ADGRL2: variants seen among roughly 807,000 people sequenced by gnomAD.
ADGRL2 encodes calcium-independent alpha-latrotoxin receptor 2.
In ADGRL2, 44 loss-of-function variants were observed where a neutral mutation model predicts 157.4. The observed-to-expected ratio is 0.28, with a 90% CI of 0.22 to 0.36. The LOEUF (loss-of-function observed/expected upper bound fraction) is 0.36. Ranked by LOEUF, ADGRL2 falls within the 10% of genes least tolerant of loss-of-function variation. ADGRL2 has a pLI of 1.00. For synonymous variants in ADGRL2, 585 were observed against 624.7 expected (o/e 0.94, Z 0.95); for missense variants, 1,510 against 1,768.9 (o/e 0.85, Z 2.63).
chr1:81,454,393 A>T (rs2077760871), intron 2 of ADGRL2, among the ~76,000 whole-genome samples: 1 of 152,160 alleles, frequency 6.6e-6, no homozygotes, highest in Admixed American at 6.6e-5. Flanking sequence ...ATGGTGATTC[A>T]TTATCTTGTG....
At chr1:81,388,153 C>G (rs1485262751) in intron 1 of ADGRL2, among the ~76,000 whole-genome samples, 1 of 152,120 alleles carries the variant, frequency 6.6e-6, no homozygotes, top group African/African-American at 2.4e-5. Flanking sequence ...TTTCAGTCCC[C>G]CTGACTGATA....
intron 3 of ADGRL2, among the ~76,000 whole-genome samples, chr1:81,679,638 C>G (rs903580699): frequency 1.3e-5 from 2 of 152,156 alleles, no homozygotes; most frequent in African/African-American, 4.8e-5. Context: ...GTGTCTCAAC[C>G]TTTGCTATAC....
chr1:81,961,854 A>G (rs1165643890), intron 11 of ADGRL2, among the ~76,000 whole-genome samples: 1 of 152,124 alleles, frequency 6.6e-6, no homozygotes, highest in African/African-American at 2.4e-5. Flanking sequence ...TTATATTTAC[A>G]TATGCTGATA....
chr1:81,711,416 C>A lies in ADGRL2; in HGVS notation c.-143+11608C>A, dbSNP rs2083924136. 3.3e-5 allele frequency among the ~76,000 whole-genome samples: 5 copies of A among 152,172 alleles called. No homozygotes were observed. The South Asian group carries it at 1.0e-3, about 32-fold the overall frequency. ...AACATTTATCTCATAAGTGCTTTTC[C>A]TCAAGACGGTCAGACTTCGGTAGTC... is the stretch of plus-strand genomic sequence containing the variant. On this transcript the variant is annotated intron_variant, in intron 1 of 20. Coordinates refer to the ADGRL2 transcript ENST00000359929.
intron 2 of ADGRL2, among the ~76,000 whole-genome samples, chr1:81,492,434 A>T (rs546022624): frequency 6.6e-6 from 1 of 152,242 alleles, no homozygotes; most frequent in East Asian, 1.9e-4. Flanking sequence ...TTAAACACAC[A>T]GAACTTTATT....
chr1:81,653,532 C>T (rs1277067334), intron 3 of ADGRL2, among the ~76,000 whole-genome samples: 5 of 152,060 alleles, frequency 3.3e-5, no homozygotes, highest in Non-Finnish European at 7.3e-5. Context: ...AGGCTGCTTC[C>T]CAACACTGGA....
chr1:81,658,312 C>G (rs1485936065), intron 3 of ADGRL2, among the ~76,000 whole-genome samples: 1 of 152,054 alleles, frequency 6.6e-6, no homozygotes, highest in Non-Finnish European at 1.5e-5. Flanking sequence ...CCAGGCTGGT[C>G]TTGAACTCCT....
intron 3 of ADGRL2, among the ~76,000 whole-genome samples, chr1:81,649,681 C>T (rs2082375041): frequency 6.6e-6 from 1 of 152,178 alleles, no homozygotes; most frequent in South Asian, 2.1e-4. Flanking sequence ...ATTATTTACT[C>T]CTTTCCCACA....
At chr1:81,567,340 C>A (rs2080585122) in intron 2 of ADGRL2, among the ~76,000 whole-genome samples, 1 of 152,094 alleles carries the variant, frequency 6.6e-6, no homozygotes, top group Non-Finnish European at 1.5e-5. Context: ...GTGGCTACAG[C>A]ATTGGACAAC....
chr1:81,814,261 G>A (rs1244277834), intron 1 of ADGRL2, among the ~76,000 whole-genome samples: 1 of 151,458 alleles, frequency 6.6e-6, no homozygotes, highest in Non-Finnish European at 1.5e-5. Context: ...CATTATTTAA[G>A]CATAGATGTG....
At chr1:81,926,910 G>GT (rs1398522429) in intron 3 of ADGRL2, among the ~76,000 whole-genome samples, 1 of 151,934 alleles carries the variant, frequency 6.6e-6, no homozygotes, top group African/African-American at 2.4e-5. Context: ...CCAAGGTCCG[G>GT]TAAAAACTGC....
intron 2 of ADGRL2, among the ~76,000 whole-genome samples, chr1:81,521,862 G>A (rs1247868004): frequency 1.3e-5 from 2 of 152,018 alleles, no homozygotes; most frequent in Admixed American, 6.6e-5. Context: ...CTTCTCCTGT[G>A]TGTATTAACC....
At chr1:81,376,628 T>C (rs1051282826) in intron 1 of ADGRL2, among the ~76,000 whole-genome samples, 4 of 151,340 alleles carry the variant, frequency 2.6e-5, no homozygotes, top group Non-Finnish European at 4.4e-5. Flanking sequence ...TCCCTTTCTC[T>C]TCTTCTTTAT....
At chr1:81,789,732 A>C (rs2149411888) in intron 2 of ADGRL2, among the ~76,000 whole-genome samples, 1 of 151,790 alleles carries the variant, frequency 6.6e-6, no homozygotes, top group South Asian at 2.1e-4. Context: ...GAAATGTAAA[A>C]CAGGAATGTA....
intron 3 of ADGRL2, among the ~76,000 whole-genome samples, chr1:81,927,427 G>A (rs2095133108): frequency 6.6e-6 from 1 of 151,834 alleles, no homozygotes; most frequent in Non-Finnish European, 1.5e-5. Flanking sequence ...AATCACAGGT[G>A]CAATTTTAAA....
At chr1:81,829,313 A>G (rs568695594) in intron 1 of ADGRL2, among the ~76,000 whole-genome samples, 6 of 152,190 alleles carry the variant, frequency 3.9e-5, no homozygotes, top group Non-Finnish European at 5.9e-5. Flanking sequence ...TATCTTTAGT[A>G]CTATTAATTA....
chr1:81,604,505 C>A (rs531481636), intron 3 of ADGRL2, among the ~76,000 whole-genome samples: 100 of 152,290 alleles, frequency 6.6e-4, no homozygotes, highest in Non-Finnish European at 1.3e-3. Flanking sequence ...GAAACAGACA[C>A]AAGTGCCAAC....
intron 5 of ADGRL2, 144 bp from the exon 6 acceptor site, chr1:81,942,825 T>C (rs775982487): frequency 5.7e-6 from 4 of 707,214 alleles, no homozygotes; most frequent in Non-Finnish European, 1.0e-5. Context: ...AAAAGAAGGG[T>C]AGTATTTGTA....
chr1:81,762,747 T>C (rs2085930186), intron 2 of ADGRL2, among the ~76,000 whole-genome samples: 1 of 152,056 alleles, frequency 6.6e-6, no homozygotes, highest in Admixed American at 6.6e-5. Context: ...CAGTATATCT[T>C]GGGCTTAGAA....
Sources: allele counts gnomAD v4.1 joint callset (sites outside exome capture counted in the v4.1 genomes callset), GRCh38; gene constraint gnomAD v4.1.1; transcripts MANE v1.5; gene names NCBI Gene and HGNC (gene_info 2026-07-23, HGNC 2026-07-21).